Variants in TMEM178B observed in about 807,000 individuals in gnomAD.
The protein encoded by TMEM178B is transmembrane protein 178B.
Under a neutral mutation model 31.0 loss-of-function variants are expected in TMEM178B, and 5 were observed. The observed-to-expected ratio is 0.16, with a 90% confidence interval of 0.08 to 0.34. The LOEUF is 0.34. Among genes scored for constraint, TMEM178B ranks in the 10% least tolerant of loss-of-function variants. TMEM178B has a pLI of 1.00. For missense variants in TMEM178B, 275 were observed against 400.3 expected (o/e 0.69, Z 2.67); for synonymous variants, 164 against 164.0 (o/e 1.00, Z 0.00).
At chr7:141,238,565 C>T (rs117716677) in intron 2 of TMEM178B, among the ~76,000 whole-genome samples, 107 of 152,246 alleles carry the variant, frequency 7.0e-4, no homozygotes, top group Admixed American at 1.2e-3. Context: ...AGTAATGCTT[C>T]AGAGAAGAAG....
intron 2 of TMEM178B, among the ~76,000 whole-genome samples, chr7:141,363,523 G>A (rs759433459): frequency 6.6e-6 from 1 of 152,168 alleles, no homozygotes; most frequent in Non-Finnish European, 1.5e-5. Flanking sequence ...CTCATGGGTG[G>A]GAGACCAGGA....
chr7:141,178,660 G>T (rs1796470614), intron 1 of TMEM178B, among the ~76,000 whole-genome samples: 2 of 152,142 alleles, frequency 1.3e-5, no homozygotes, highest in African/African-American at 4.8e-5. Flanking sequence ...ATTCTGTTTT[G>T]CTGTAATGCA....
At chr7:141,176,822 A>AT in intron 1 of TMEM178B, among the ~76,000 whole-genome samples, 1 of 151,862 alleles carries the variant, frequency 6.6e-6, no homozygotes, top group East Asian at 1.9e-4. Context: ...ATCATTTTTT[A>AT]TGCGTCTATT....
At chr7:141,312,149 T>C (rs545153103) in intron 2 of TMEM178B, among the ~76,000 whole-genome samples, 1 of 152,348 alleles carries the variant, frequency 6.6e-6, no homozygotes, top group African/African-American at 2.4e-5. Flanking sequence ...TTAATTTGAA[T>C]CTTCAACCTG....
intron 2 of TMEM178B, among the ~76,000 whole-genome samples, chr7:141,384,619 C>A (rs962642225): frequency 3.3e-5 from 5 of 152,114 alleles, no homozygotes; most frequent in African/African-American, 1.2e-4. Context: ...GTTACTGTAG[C>A]CTTGCAGTAC....
intron 2 of TMEM178B, among the ~76,000 whole-genome samples, chr7:141,261,422 C>T (rs1184928302): frequency 6.6e-6 from 1 of 151,996 alleles, no homozygotes; most frequent in Non-Finnish European, 1.5e-5. Context: ...GAACCTTTGT[C>T]TGCAGGAAAC....
At chr7:141,382,976 AC>A (rs1301726232) in intron 2 of TMEM178B, among the ~76,000 whole-genome samples, 1 of 151,880 alleles carries the variant, frequency 6.6e-6, no homozygotes, top group Non-Finnish European at 1.5e-5. Context: ...CCATTCTCCC[AC>A]CCCAATCTCC....
intron 3 of TMEM178B, among the ~76,000 whole-genome samples, chr7:141,446,856 T>C (rs1222590586): frequency 6.6e-6 from 1 of 152,144 alleles, no homozygotes; most frequent in African/African-American, 2.4e-5. Context: ...AAGTTATTAT[T>C]ATTATTTAGC....
chr7:141,144,953 G>C (rs1158862814), intron 1 of TMEM178B, among the ~76,000 whole-genome samples: 1 of 152,210 alleles, frequency 6.6e-6, no homozygotes, highest in Non-Finnish European at 1.5e-5. Context: ...TGTCATCCTA[G>C]CTCTAGGTTG....
chr7:141,132,836 T>C (rs1337967753), intron 1 of TMEM178B, among the ~76,000 whole-genome samples: 1 of 152,166 alleles, frequency 6.6e-6, no homozygotes, highest in Non-Finnish European at 1.5e-5. Context: ...ATCCAAGGAC[T>C]GACAATTTCA....
intron 2 of TMEM178B, among the ~76,000 whole-genome samples, chr7:141,435,918 G>A (rs78265662): frequency 0.012 from 1,895 of 152,258 alleles, 12 homozygotes; most frequent in Non-Finnish European, 0.02. Flanking sequence ...CTGCCTCTGT[G>A]ACTGGAGCCC....
In TMEM178B at chr7:141,286,251, A is replaced by G. The variant is rs546536830; in HGVS notation, c.496+73547A>G. On this transcript the variant is annotated intron_variant, in intron 2 of 3. Transcript: ENST00000565468. ...ACTTTATACTCCTAAATTATTGAAT[A>G]TTAGCAAAGAAAGGAGGGTCAACAG... is the stretch of plus-strand genomic sequence containing the variant. 7.9e-5 allele frequency among the ~76,000 whole-genome samples: 12 copies of G among 152,334 alleles called. 1 individual carries two copies. Among genetic ancestry groups the G allele is most frequent in the African/African-American group, 2.6e-4 (11 of 41,584 alleles).
At chr7:141,320,633 T>G (rs984210050) in intron 2 of TMEM178B, among the ~76,000 whole-genome samples, 1 of 152,196 alleles carries the variant, frequency 6.6e-6, no homozygotes, top group Non-Finnish European at 1.5e-5. Context: ...GCTTTACATA[T>G]TCAGTCATCA....
intron 2 of TMEM178B, among the ~76,000 whole-genome samples, chr7:141,320,525 C>T (rs1042150632): frequency 5.3e-4 from 81 of 152,222 alleles, no homozygotes; most frequent in African/African-American, 1.8e-3. Flanking sequence ...GTGTCTGGCC[C>T]GTCTCACCTT....
chr7:141,320,294 T>C (rs376719193), intron 2 of TMEM178B, among the ~76,000 whole-genome samples: 1 of 152,172 alleles, frequency 6.6e-6, no homozygotes, highest in Non-Finnish European at 1.5e-5. Flanking sequence ...GAAAACAAAC[T>C]AATACAGTGG....
intron 2 of TMEM178B, among the ~76,000 whole-genome samples, chr7:141,433,087 C>T (rs1488184669): frequency 6.6e-6 from 1 of 152,220 alleles, no homozygotes; most frequent in African/African-American, 2.4e-5. Flanking sequence ...TAGTGAACTT[C>T]AGTACAATAC....
At chr7:141,094,690 A>G (rs1794930669) in intron 1 of TMEM178B, among the ~76,000 whole-genome samples, 1 of 152,184 alleles carries the variant, frequency 6.6e-6, no homozygotes, top group Non-Finnish European at 1.5e-5. Flanking sequence ...TCCTGTAGGG[A>G]TCCTTTAGCC....
At chr7:141,249,864 G>A (rs1199112480) in intron 2 of TMEM178B, among the ~76,000 whole-genome samples, 1 of 152,168 alleles carries the variant, frequency 6.6e-6, no homozygotes, top group Non-Finnish European at 1.5e-5. Flanking sequence ...TCTAATATGA[G>A]ACTTTCCTTT....
chr7:141,322,570 G>A (rs1285257318), intron 2 of TMEM178B, among the ~76,000 whole-genome samples: 2 of 152,032 alleles, frequency 1.3e-5, no homozygotes, highest in Non-Finnish European at 2.9e-5. Flanking sequence ...AGAACACAAA[G>A]AATACAGAGT....
Sources: allele counts gnomAD v4.1 joint callset (sites outside exome capture counted in the v4.1 genomes callset), GRCh38; gene constraint gnomAD v4.1.1; transcripts MANE v1.5; gene names NCBI Gene and HGNC (gene_info 2026-07-23, HGNC 2026-07-21).